GPRIN3: variants seen among roughly 807,000 people sequenced by gnomAD.
The protein encoded by GPRIN3 is GPRIN family member 3, also known as G protein-regulated inducer of neurite outgrowth 3.
Under a neutral mutation model 13.7 loss-of-function variants are expected in GPRIN3, and 12 were observed. The observed-to-expected ratio is 0.87, with a 90% CI of 0.56 to 1.42. The LOEUF is 1.42. Among genes scored for constraint, GPRIN3 ranks in the 40% most tolerant of loss-of-function variants. The probability of loss-of-function intolerance (pLI) is 0.00; values close to 1 mark genes in which losing one functional copy is unlikely to be tolerated. For missense variants in GPRIN3, 1,009 were observed against 958.7 expected, an observed-to-expected ratio of 1.05 and a Z score of -0.69; for synonymous variants, 377 against 372.7, an observed-to-expected ratio of 1.01 and a Z score of -0.13.
intron 1 of GPRIN3, among the ~76,000 whole-genome samples, chr4:89,295,661 C>A (rs1264237502): frequency 6.6e-6 from 1 of 151,858 alleles, no homozygotes; most frequent in African/African-American, 2.4e-5. Context: ...TAAAAAAAAA[C>A]AAGTGGTGGG....
rs771329741 is a variant in GPRIN3 at position 89,250,014 on chromosome 4, G to T, written c.97C>A (p.Pro33Thr). 48 of 1,614,090 alleles carry T rather than the reference G, an allele frequency of 3.0e-5. No homozygotes were observed. The highest frequency in any genetic ancestry group is 1.9e-5 in the Non-Finnish European group (23 of 1,180,030). The change falls in exon 2 of 2, where the codon CCT (proline) becomes ACT (threonine). Residue 33 changes from proline (P) to threonine (T), a missense_variant. Pro to Thr is a conservative substitution (Grantham distance 38). Transcript: ENST00000609438. ...DDLGEPQAAS[P>T]RHRPALLCKN... ...CACAGGAGAGCTGGTCGATGCCGAG[G>T]TGAGGCAGCCTGTGGCTCTCCTAGA...
chr4:89,270,266 T>C (rs1723894145), intron 1 of GPRIN3, among the ~76,000 whole-genome samples: 1 of 151,824 alleles, frequency 6.6e-6, no homozygotes, highest in Admixed American at 6.6e-5. Context: ...ACTTGTAAGG[T>C]TGATATAAAA....
chr4:89,301,672 T>G (rs1238822691), intron 1 of GPRIN3, among the ~76,000 whole-genome samples: 3 of 152,348 alleles, frequency 2.0e-5, no homozygotes, highest in Middle Eastern at 3.4e-3. Context: ...ATAAAGCATC[T>G]GATTATTCTT....
chr4:89,265,390 A>G (rs1380412145), intron 1 of GPRIN3, among the ~76,000 whole-genome samples: 1 of 152,214 alleles, frequency 6.6e-6, no homozygotes, highest in African/African-American at 2.4e-5. Flanking sequence ...GCAACTGATT[A>G]CAATACCCCT....
At chr4:89,283,273 T>A (rs1724305698) in intron 1 of GPRIN3, among the ~76,000 whole-genome samples, 1 of 152,206 alleles carries the variant, frequency 6.6e-6, no homozygotes, top group Non-Finnish European at 1.5e-5. Flanking sequence ...TGTGGTGGGT[T>A]CTAGAGAGCC....
At chr4:89,265,029 T>C (rs988513056) in intron 1 of GPRIN3, among the ~76,000 whole-genome samples, 1 of 152,222 alleles carries the variant, frequency 6.6e-6, no homozygotes, top group Non-Finnish European at 1.5e-5. Flanking sequence ...TTTTGTGTTT[T>C]GGCCTGCATT....
chr4:89,306,600 A>G (rs1333831226), intron 1 of GPRIN3, among the ~76,000 whole-genome samples: 1 of 152,182 alleles, frequency 6.6e-6, no homozygotes, highest in Non-Finnish European at 1.5e-5. Flanking sequence ...GCTTTAACCA[A>G]GAGGAAGAAG....
chr4:89,302,048 G>A (rs911690483), intron 1 of GPRIN3, among the ~76,000 whole-genome samples: 1 of 152,144 alleles, frequency 6.6e-6, no homozygotes, highest in African/African-American at 2.4e-5. Flanking sequence ...GGTGTGTAAG[G>A]CCAAGAAATT....
intron 1 of GPRIN3, among the ~76,000 whole-genome samples, chr4:89,307,294 CA>C (rs1561242473): frequency 9.2e-5 from 14 of 151,920 alleles, no homozygotes; most frequent in East Asian, 1.9e-4. Context: ...CACACACACA[CA>C]CACCCCTCAT....
Position 89,248,809 on chromosome 4 carries a change from A to G in GPRIN3, c.1302T>C (p.Cys434=), listed in dbSNP as rs978032247. ...NLVSSNAQHT[C]KEDGRLAGMT... ...TTCCTGCTAACCTCCCATCTTCTTTACACGTATGCTGGGCATTACTGGAGA... is the reference window on the plus strand; with the variant it reads ...TTCCTGCTAACCTCCCATCTTCTTTGCACGTATGCTGGGCATTACTGGAGA... Residue 434 remains cysteine, a synonymous_variant, in exon 2 of 2, where the codon TGT becomes TGC. Coordinates refer to ENST00000609438, the MANE Select transcript of GPRIN3 (RefSeq NM_198281.3). The G allele has an allele frequency of 1.2e-6, 2 of 1,613,950 alleles. No individual in the cohort carries two copies. The highest frequency in any genetic ancestry group is 2.7e-5 in the African/African-American group (2 of 74,908).
chr4:89,280,173 T>C (rs1578101575), intron 1 of GPRIN3, among the ~76,000 whole-genome samples: 1 of 152,184 alleles, frequency 6.6e-6, no homozygotes, highest in African/African-American at 2.4e-5. Flanking sequence ...TCCTTTGTAA[T>C]ATCTCCTATG....
chr4:89,287,481 C>T (rs942348951), intron 1 of GPRIN3, among the ~76,000 whole-genome samples: 2 of 152,134 alleles, frequency 1.3e-5, no homozygotes, highest in African/African-American at 2.4e-5. Flanking sequence ...AAAGCTGAGC[C>T]TTTGGGCAGA....
chr4:89,237,141 C>G lies in GPRIN3; in HGVS notation c.*10639G>C, dbSNP rs1020887603. 1.3e-5 allele frequency: 2 copies of G among 152,102 alleles called. No homozygotes were observed. Among genetic ancestry groups the G allele is most frequent in the Non-Finnish European group, 1.5e-5 (1 of 68,022 alleles). The allele number at this position is 152,102 out of a possible 1,614,324, so 9.4% of individuals were successfully genotyped here. On this transcript the variant is annotated 3_prime_UTR_variant, in exon 2 of 2. Coordinates refer to ENST00000609438, the MANE Select transcript of GPRIN3 (RefSeq NM_198281.3). ...AGATGCCAGTACTCCCACCAGAAAT[C>G]TCTGCAAGCACTTTCAGCTTCCATC...
intron 1 of GPRIN3, among the ~76,000 whole-genome samples, chr4:89,269,401 C>G (rs987770532): frequency 1.1e-4 from 16 of 152,132 alleles, no homozygotes; most frequent in Non-Finnish European, 1.5e-5. Context: ...CTTTTCAGAA[C>G]TAGATCTGTG....
At chr4:89,275,910 A>G (rs1374749934) in intron 1 of GPRIN3, among the ~76,000 whole-genome samples, 1 of 152,236 alleles carries the variant, frequency 6.6e-6, no homozygotes, top group African/African-American at 2.4e-5. Context: ...AATGGGGGTC[A>G]GTTTTATGTG....
At chr4:89,261,179 A>G (rs1043474664) in intron 1 of GPRIN3, among the ~76,000 whole-genome samples, 1 of 152,184 alleles carries the variant, frequency 6.6e-6, no homozygotes, top group Non-Finnish European at 1.5e-5. Context: ...GGAACTATCG[A>G]CATTTTGGAC....
chr4:89,271,319 T>C (rs1296573718), intron 1 of GPRIN3, among the ~76,000 whole-genome samples: 1 of 152,114 alleles, frequency 6.6e-6, no homozygotes, highest in Non-Finnish European at 1.5e-5. Context: ...TGTAAGCTTA[T>C]TGACATGGTA....
At chr4:89,264,639 G>A (rs1178893866) in intron 1 of GPRIN3, among the ~76,000 whole-genome samples, 1 of 152,096 alleles carries the variant, frequency 6.6e-6, no homozygotes, top group Non-Finnish European at 1.5e-5. Flanking sequence ...GAGCCAAGCA[G>A]GTGAGGACAG....
intron 1 of GPRIN3, among the ~76,000 whole-genome samples, chr4:89,270,931 A>G (rs1723933431): frequency 6.6e-6 from 1 of 152,126 alleles, no homozygotes; most frequent in Non-Finnish European, 1.5e-5. Context: ...GAGAAGACAA[A>G]CATTTCATAG....
Sources: allele counts gnomAD v4.1 joint callset (sites outside exome capture counted in the v4.1 genomes callset), GRCh38; gene constraint gnomAD v4.1.1; transcripts MANE v1.5; gene names NCBI Gene and HGNC (gene_info 2026-07-23, HGNC 2026-07-21).